Variants in ENPEP observed in about 807,000 individuals in gnomAD.
ENPEP encodes glutamyl aminopeptidase.
A neutral mutation model predicts 114.5 loss-of-function variants in ENPEP; 103 were observed. The observed-to-expected ratio is 0.90, with a 90% CI of 0.77 to 1.06. ENPEP has a LOEUF of 1.06. Ranked by LOEUF, ENPEP falls within the 50% of genes least tolerant of loss-of-function variation. The pLI is 0.00. For synonymous variants in ENPEP, 420 were observed against 422.0 expected, an observed-to-expected ratio of 1.00 and a Z score of 0.06; for missense variants, 1,196 against 1,161.3, an observed-to-expected ratio of 1.03 and a Z score of -0.43.
At chr4:110,512,063 CCATT>C (rs1433857986) in intron 6 of ENPEP, among the ~76,000 whole-genome samples, 2 of 151,916 alleles carry the variant, frequency 1.3e-5, no homozygotes, top group African/African-American at 2.4e-5. Context: ...CGAGCCCAGC[CCATT>C]CATTCATTCT....
In ENPEP at chr4:110,535,224, C is replaced by T. The variant is rs58248546; in HGVS notation, c.1807+3947C>T. The stretch of plus-strand genomic sequence containing the variant: ...TGGGTCTAAGTTCTAGGAGGTGGTG[C>T]GGACTCTACAATAGCTGTTTTTGCA... On this transcript the variant is annotated intron_variant, in intron 11 of 19. Transcript: ENST00000265162. 8.0e-4 allele frequency among the ~76,000 whole-genome samples: 122 copies of T among 152,220 alleles called. No homozygotes were observed. The East Asian group carries it at 0.011, about 14-fold the overall frequency.
rs184414415 is a variant in ENPEP, at chr4:110,497,620, G to A, written c.918+6456G>A. Reference sequence around the variant, plus strand: ...ATGCTTTGTGTAACCTAATGGCCGTGCTGAGTTTCTTCTTAAACAGCAATT... The same window carrying A: ...ATGCTTTGTGTAACCTAATGGCCGTACTGAGTTTCTTCTTAAACAGCAATT... On this transcript the variant is annotated intron_variant, in intron 3 of 19. Transcript: ENST00000265162. 3.2e-4 allele frequency among the ~76,000 whole-genome samples: 49 copies of A among 152,234 alleles called. No homozygotes were observed. The East Asian group carries it at 5.4e-3, about 17-fold the overall frequency.
intron 3 of ENPEP, among the ~76,000 whole-genome samples, chr4:110,495,741 A>G (rs2110341798): frequency 6.6e-6 from 1 of 152,306 alleles, no homozygotes; most frequent in Non-Finnish European, 1.5e-5. Flanking sequence ...ATAAATAAAT[A>G]AGTAAATAAA....
chr4:110,527,637 G>C (rs986459265), intron 10 of ENPEP, among the ~76,000 whole-genome samples: 8 of 152,150 alleles, frequency 5.3e-5, no homozygotes, highest in African/African-American at 1.9e-4. Context: ...AATAATCTCT[G>C]TGGTAGTTCT....
chr4:110,536,064 A>G (rs1250459495), intron 11 of ENPEP, among the ~76,000 whole-genome samples: 1 of 141,890 alleles, frequency 7.0e-6, no homozygotes, highest in Non-Finnish European at 1.5e-5. Flanking sequence ...CCGAGATTGC[A>G]CCATTGCACT....
intron 11 of ENPEP, among the ~76,000 whole-genome samples, chr4:110,535,711 G>T (rs1257503269): frequency 5.9e-5 from 9 of 152,214 alleles, no homozygotes; most frequent in African/African-American, 1.9e-4. Flanking sequence ...AAAGGGCTGG[G>T]CGCGGTGGCT....
rs747704588 is a variant in ENPEP, at chr4:110,559,647, A to T, written c.2643A>T (p.Arg881Ser). 1 of 1,610,130 alleles carries T rather than the reference A, an allele frequency of 6.2e-7. No individual in the cohort carries two copies. The highest frequency in any genetic ancestry group is 1.7e-5 in the Admixed American group (1 of 59,996). ...CCTTTTACTCTAAATTTCTCTCCAGATATACACTCAATAACAGAAACCTTG... is the reference window on the plus strand; with the variant it reads ...CCTTTTACTCTAAATTTCTCTCCAGTTATACACTCAATAACAGAAACCTTG... ...IQLNWDYLVN[R>S]YTLNNRNLGR... The change falls in exon 19 of 20, where the codon AGA becomes AGT. Residue 881 changes from arginine (R) to serine (S), a missense_variant and splice_region_variant. Arg to Ser is a moderately radical substitution (Grantham distance 110). Coordinates refer to ENST00000265162, the MANE Select transcript of ENPEP (RefSeq NM_001977.4).
intron 18 of ENPEP, among the ~76,000 whole-genome samples, chr4:110,555,493 G>C (rs908915362): frequency 1.3e-4 from 20 of 152,128 alleles, no homozygotes; most frequent in Admixed American, 8.5e-4. Context: ...TATGACAACT[G>C]ATGGCCACAC....
chr4:110,533,676 C>T (rs1277819471), intron 11 of ENPEP, among the ~76,000 whole-genome samples: 1 of 152,138 alleles, frequency 6.6e-6, no homozygotes, highest in African/African-American at 2.4e-5. Flanking sequence ...GTGCTCTGGA[C>T]AGAAGCATGA....
intron 12 of ENPEP, 34 bp from the exon 13 acceptor site, chr4:110,542,981 T>A: frequency 6.2e-7 from 1 of 1,611,918 alleles, no homozygotes; most frequent in African/African-American, 1.3e-5. Context: ...GCCTTAAGAA[T>A]TGTGTTTTTA....
chr4:110,549,534 C>A lies in ENPEP; in HGVS notation c.2232C>A (p.Leu744=). 6.2e-7 allele frequency: 1 copy of A among 1,613,466 alleles called. No individual in the cohort carries two copies. The highest frequency in any genetic ancestry group is 1.1e-5 in the South Asian group (1 of 91,078). ...NDAGDHVTKL[L]RSSVLGFACK... is the part of the protein sequence containing the mutation. ...TGTTTGTTTGTTTTTTAAGGTTACT[C>A]CGTTCCTCCGTGTTAGGGTTTGCGT... The change falls in exon 16 of 20, where the codon CTC becomes CTA. Residue 744 remains leucine, a synonymous_variant. Transcript: ENST00000265162.
At position 110,541,910 on chromosome 4, in the gene ENPEP, A is replaced by G. The variant is rs1339393315; in HGVS notation, c.1808-841A>G. 5.9e-5 allele frequency among the ~76,000 whole-genome samples: 9 copies of G among 152,152 alleles called. No homozygotes were observed. The South Asian group carries it at 1.7e-3, about 28-fold the overall frequency. ...ACGCTAACGAACATGGTTATATCAA[A>G]GCATAGCTATTATTTTAAGTACATA... On this transcript the variant is annotated intron_variant, in intron 11 of 19. Coordinates refer to ENST00000265162, the MANE Select transcript of ENPEP (RefSeq NM_001977.4).
chr4:110,534,479 C>T (rs929674897), intron 11 of ENPEP, among the ~76,000 whole-genome samples: 6 of 139,034 alleles, frequency 4.3e-5, no homozygotes, highest in African/African-American at 1.6e-4. Context: ...TATTAAGCTT[C>T]ATATGTTCTC....
chr4:110,509,755 C>T lies in ENPEP; in HGVS notation c.1142C>T (p.Ser381Leu). The T allele has an allele frequency of 6.2e-7, 1 of 1,614,204 alleles. No homozygotes were observed. The highest frequency in any genetic ancestry group is 8.5e-7 in the Non-Finnish European group (1 of 1,180,026). ...NLLYDPKESA[S>L]SNQQRVATVV... The stretch of plus-strand genomic sequence containing the variant: ...CTTTATGACCCTAAGGAATCAGCCT[C>T]ATCAAACCAACAGAGGGTGGCCACT... Residue 381 changes from serine to leucine, a missense_variant, in exon 5 of 20, where the codon TCA becomes TTA. Physicochemically the swap from Ser to Leu is moderately radical, Grantham distance 145. Transcript: ENST00000265162.
chr4:110,480,123 T>C (rs1578388165), intron 1 of ENPEP, among the ~76,000 whole-genome samples: 1 of 152,214 alleles, frequency 6.6e-6, no homozygotes, highest in Non-Finnish European at 1.5e-5. Context: ...TCACTGAGGA[T>C]TGGTGTTCCC....
chr4:110,497,449 A>G (rs1326762818), intron 3 of ENPEP, among the ~76,000 whole-genome samples: 5 of 152,156 alleles, frequency 3.3e-5, no homozygotes, highest in African/African-American at 1.2e-4. Context: ...TATAAACAAA[A>G]TAATAAAAAT....
intron 3 of ENPEP, among the ~76,000 whole-genome samples, chr4:110,496,376 T>C (rs1724938063): frequency 6.6e-6 from 1 of 152,232 alleles, no homozygotes. Context: ...GAAATAATTT[T>C]AGATTTACAG....
At chr4:110,503,827 G>T (rs147598943) in intron 3 of ENPEP, among the ~76,000 whole-genome samples, 98 of 152,304 alleles carry the variant, frequency 6.4e-4, no homozygotes, top group African/African-American at 2.3e-3. Context: ...GTTTCTCAGG[G>T]GCGTTATGTT....
intron 11 of ENPEP, 41 bp from the exon 12 acceptor site, chr4:110,542,710 A>C (rs1726893733): frequency 6.4e-7 from 1 of 1,568,884 alleles, no homozygotes. Flanking sequence ...TTGACAGTGC[A>C]TGCAAACATG....
Sources: allele counts gnomAD v4.1 joint callset (sites outside exome capture counted in the v4.1 genomes callset), GRCh38; gene constraint gnomAD v4.1.1; transcripts MANE v1.5; gene names NCBI Gene and HGNC (gene_info 2026-07-23, HGNC 2026-07-21).